Variants in DENND1A observed in about 807,000 individuals in gnomAD.
DENND1A encodes the protein DENN domain containing 1A.
In DENND1A, 51 loss-of-function variants were observed where a neutral mutation model predicts 113.7. The ratio of observed to expected loss-of-function variants is 0.45; its 90% confidence interval spans 0.36 to 0.57. DENND1A has a LOEUF of 0.57. Ranked by LOEUF, DENND1A falls within the 20% of genes least tolerant of loss-of-function variation. DENND1A has a pLI of 0.00. For missense variants in DENND1A, 1,258 were observed against 1,395.9 expected (o/e 0.90, Z 1.57); for synonymous variants, 565 against 570.8 (o/e 0.99, Z 0.14).
chr9:123,426,504 T>C (rs936136266), intron 19 of DENND1A, among the ~76,000 whole-genome samples: 1 of 152,060 alleles, frequency 6.6e-6, no homozygotes, highest in Non-Finnish European at 1.5e-5. Context: ...AAACCACAGG[T>C]AGAGCTCCTC....
At chr9:123,605,637 C>T (rs1005482125) in intron 11 of DENND1A, among the ~76,000 whole-genome samples, 1 of 152,216 alleles carries the variant, frequency 6.6e-6, no homozygotes, top group Admixed American at 6.5e-5. Context: ...CAGGTATACA[C>T]TTGTCACTTT....
chr9:123,897,486 C>A (rs1850939766), intron 1 of DENND1A, among the ~76,000 whole-genome samples: 1 of 152,204 alleles, frequency 6.6e-6, no homozygotes, highest in African/African-American at 2.4e-5. Flanking sequence ...CTATTACTTT[C>A]TTTTCTACTC....
Position 123,811,115 on chromosome 9 carries a change from C to A in DENND1A, c.89-18485G>T, listed in dbSNP as rs564345613. Among the ~76,000 whole-genome samples the A allele has an allele frequency of 6.6e-5, 10 of 152,288 alleles. No homozygotes were observed. In the East Asian group the frequency reaches 1.7e-3, roughly 27 times the overall value. On this transcript the variant is annotated intron_variant, in intron 2 of 23. Transcript: ENST00000394215. ...GAAGCCTGGACTAGACCCTGTTATG[C>A]ATTCAATCTGCTCTCTTCTACTCAC...
At chr9:123,614,232 C>T (rs1198853383) in intron 10 of DENND1A, among the ~76,000 whole-genome samples, 1 of 152,178 alleles carries the variant, frequency 6.6e-6, no homozygotes, top group Non-Finnish European at 1.5e-5. Flanking sequence ...GAACAGACAG[C>T]CCAAGCTCTG....
At chr9:123,524,232 C>T (rs1305427544) in intron 13 of DENND1A, among the ~76,000 whole-genome samples, 1 of 152,218 alleles carries the variant, frequency 6.6e-6, no homozygotes, top group African/African-American at 2.4e-5. Context: ...GGGCATCCTA[C>T]ACTGCACAGA....
intron 2 of DENND1A, among the ~76,000 whole-genome samples, chr9:123,856,434 T>C (rs767918239): frequency 6.6e-6 from 1 of 152,100 alleles, no homozygotes; most frequent in Non-Finnish European, 1.5e-5. Context: ...CAAGCAGGGA[T>C]ACACAGTCAT....
rs561929912 is a variant in DENND1A, at chr9:123,632,053, C to T, written c.619-1577G>A. Among the ~76,000 whole-genome samples the T allele has an allele frequency of 1.1e-4, 16 of 152,266 alleles. No individual in the cohort carries two copies. In the East Asian group the frequency reaches 1.7e-3, roughly 16 times the overall value. On this transcript the variant is annotated intron_variant, in intron 9 of 23. Transcript: ENST00000394215. Reference sequence around the variant, plus strand: ...GCCTTTGCTGACAGAAGAACATTTACGTGGCGAAAGAGTGACGTGCCAAGG... The same window carrying T: ...GCCTTTGCTGACAGAAGAACATTTATGTGGCGAAAGAGTGACGTGCCAAGG...
intron 1 of DENND1A, among the ~76,000 whole-genome samples, chr9:123,917,798 C>A (rs1855434196): frequency 6.6e-6 from 1 of 151,974 alleles, no homozygotes; most frequent in Non-Finnish European, 1.5e-5. Context: ...TACCAAAAGG[C>A]AAGGGAGCTA....
intron 13 of DENND1A, among the ~76,000 whole-genome samples, chr9:123,507,669 C>T (rs941507026): frequency 5.4e-5 from 8 of 149,452 alleles, no homozygotes; most frequent in African/African-American, 9.9e-5. Flanking sequence ...GGCAACATAG[C>T]GGGACCCTCA....
intron 2 of DENND1A, among the ~76,000 whole-genome samples, chr9:123,844,397 A>T (rs1322343596): frequency 6.6e-6 from 1 of 152,222 alleles, no homozygotes; most frequent in Admixed American, 6.5e-5. Flanking sequence ...CAATATTTTT[A>T]AAAATCAATT....
rs1051292191 is a variant in DENND1A at position 123,429,124 on chromosome 9, A to G, written c.1488+11236T>C. The stretch of plus-strand genomic sequence containing the variant: ...AGGACAAAGCTGGAGGCATCATGCT[A>G]CTTGACTTCAAACTATACTACAAGG... On this transcript the variant is annotated intron_variant, in intron 19 of 23. Transcript: ENST00000394215. 5.2e-5 allele frequency among the ~76,000 whole-genome samples: 8 copies of G among 152,382 alleles called. No individual in the cohort carries two copies. In the East Asian group the frequency reaches 1.2e-3, roughly 22 times the overall value.
At chr9:123,882,035 C>A (rs924199171) in intron 1 of DENND1A, among the ~76,000 whole-genome samples, 1 of 152,106 alleles carries the variant, frequency 6.6e-6, no homozygotes, top group Non-Finnish European at 1.5e-5. Flanking sequence ...TACTCCTTTG[C>A]GAATTCCTTC....
At position 123,396,491 on chromosome 9, in the gene DENND1A, C is replaced by T. The variant is rs72755165; in HGVS notation, c.1631+6911G>A. 6.0e-3 allele frequency among the ~76,000 whole-genome samples: 919 copies of T among 152,370 alleles called. 4 individuals carry two copies. Among genetic ancestry groups the T allele is most frequent in the Non-Finnish European group, 8.9e-3 (606 of 68,032 alleles). ...AGTCTAGGCTCGAGGAGGGCAAGGC[C>T]GTTGAACGTGCACAAGCGGCACGCC... On this transcript the variant is annotated intron_variant, in intron 21 of 23. Transcript: ENST00000394215.
intron 11 of DENND1A, among the ~76,000 whole-genome samples, chr9:123,606,630 G>T (rs185357965): frequency 8.3e-4 from 126 of 152,342 alleles, no homozygotes; most frequent in African/African-American, 3.0e-3. Flanking sequence ...GCATTGGGTT[G>T]CCTGAAAACA....
intron 11 of DENND1A, among the ~76,000 whole-genome samples, chr9:123,584,365 A>G (rs1046958118): frequency 1.3e-5 from 2 of 152,244 alleles, no homozygotes; most frequent in Non-Finnish European, 2.9e-5. Flanking sequence ...GTGGCTGCGC[A>G]GGTATGCATT....
chr9:123,793,787 A>C (rs954892679), intron 2 of DENND1A, among the ~76,000 whole-genome samples: 1 of 152,216 alleles, frequency 6.6e-6, no homozygotes, highest in Non-Finnish European at 1.5e-5. Flanking sequence ...CATTAAAACC[A>C]ATGTGTATTA....
At chr9:123,619,550 G>A (rs1424751563) in intron 10 of DENND1A, among the ~76,000 whole-genome samples, 3 of 152,142 alleles carry the variant, frequency 2.0e-5, no homozygotes, top group Non-Finnish European at 4.4e-5. Context: ...CTCACAGAGA[G>A]CTGGGACTAC....
At chr9:123,533,776 A>T (rs1345335083) in intron 13 of DENND1A, among the ~76,000 whole-genome samples, 1 of 152,190 alleles carries the variant, frequency 6.6e-6, no homozygotes, top group Non-Finnish European at 1.5e-5. Context: ...AAGGGCTGTG[A>T]GTGGGATTTC....
At chr9:123,654,404 G>A (rs993147111) in intron 8 of DENND1A, among the ~76,000 whole-genome samples, 1 of 152,152 alleles carries the variant, frequency 6.6e-6, no homozygotes, top group African/African-American at 2.4e-5. Context: ...AGTCTGCCAA[G>A]AAGCTTCACG....
Sources: allele counts gnomAD v4.1 joint callset (sites outside exome capture counted in the v4.1 genomes callset), GRCh38; gene constraint gnomAD v4.1.1; transcripts MANE v1.5; gene names NCBI Gene and HGNC (gene_info 2026-07-23, HGNC 2026-07-21).